TRDN: variants seen among roughly 807,000 people sequenced by gnomAD.
TRDN encodes triadin in skeletal muscle.
TRDN carries 161 observed loss-of-function variants against 149.7 expected under a neutral mutation model. That is an observed-to-expected ratio of 1.08 (90% CI 0.95 to 1.23). TRDN has a LOEUF of 1.23. Among genes scored for constraint, TRDN ranks in the 50% most tolerant of loss-of-function variants. The pLI is 0.00. For synonymous variants in TRDN, 294 were observed against 250.5 expected (o/e 1.17, Z -1.64); for missense variants, 896 against 823.5 (o/e 1.09, Z -1.08).
intron 9 of TRDN, among the ~76,000 whole-genome samples, chr6:123,479,160 TA>T (rs886979052): frequency 2.0e-5 from 3 of 152,172 alleles, no homozygotes; most frequent in African/African-American, 7.2e-5. Flanking sequence ...GAGTGCTTGG[TA>T]AAATGTGAAA....
chr6:123,218,498 C>T lies in TRDN; in HGVS notation c.*103G>A. ...CAGGCCAAAGAGCAAAATGTTTTCA[C>T]AGAAATTCTCTGGGTTGCATATTCT... On this transcript the variant is annotated 3_prime_UTR_variant, in exon 41 of 41. Transcript: ENST00000334268. 1 of 1,390,680 alleles carries T rather than the reference C, an allele frequency of 7.2e-7. No homozygotes were observed. The allele number at this position is 1,390,680 out of a possible 1,614,324, so 86.1% of individuals were successfully genotyped here. A position where few individuals can be genotyped will look rare whatever the true frequency, so the allele number is the denominator to read the frequency against.
intron 40 of TRDN, among the ~76,000 whole-genome samples, chr6:123,219,617 A>G (rs1775073334): frequency 6.6e-6 from 1 of 151,876 alleles, no homozygotes; most frequent in African/African-American, 2.4e-5. Context: ...GAAGCTGGAG[A>G]AGCAACCAGG....
At chr6:123,244,922 G>A (rs1220025959) in intron 38 of TRDN, among the ~76,000 whole-genome samples, 1 of 152,186 alleles carries the variant, frequency 6.6e-6, no homozygotes, top group Non-Finnish European at 1.5e-5. Context: ...TAAGCCATAA[G>A]AGAGTGGGGG....
intron 24 of TRDN, among the ~76,000 whole-genome samples, chr6:123,290,331 T>C (rs774076943): frequency 1.6e-4 from 25 of 152,126 alleles, no homozygotes; most frequent in Non-Finnish European, 4.4e-5. Flanking sequence ...TAGCTCTATC[T>C]ACAGGCATTG....
intron 24 of TRDN, among the ~76,000 whole-genome samples, chr6:123,305,248 T>G (rs1778564341): frequency 6.6e-6 from 1 of 152,190 alleles, no homozygotes; most frequent in Non-Finnish European, 1.5e-5. Flanking sequence ...AAGCAAATTC[T>G]AAAGTCTGCC....
chr6:123,221,028 A>G (rs1775126619), intron 40 of TRDN, among the ~76,000 whole-genome samples: 1 of 151,834 alleles, frequency 6.6e-6, no homozygotes, highest in East Asian at 1.9e-4. Context: ...TTGAATATTT[A>G]GAACCTACCA....
chr6:123,456,899 T>C (rs1776159521), intron 10 of TRDN: 3 of 455,514 alleles, frequency 6.6e-6, no homozygotes, highest in East Asian at 1.4e-4. Flanking sequence ...GCTGGTATAA[T>C]AGGAAGAAAT....
intron 2 of TRDN, among the ~76,000 whole-genome samples, chr6:123,564,347 G>A (rs752817845): frequency 3.3e-5 from 5 of 152,144 alleles, no homozygotes; most frequent in Non-Finnish European, 7.4e-5. Context: ...AGTCCTAAAT[G>A]TTGCATTTAG....
Position 123,405,575 on chromosome 6 carries a change from AAC to A in TRDN, c.1052-11900_1052-11899del, listed in dbSNP as rs564194088. On this transcript the variant is annotated intron_variant, in intron 12 of 40. Transcript: ENST00000334268. Reference sequence around the variant, plus strand: ...GCATCAACAAGAAATCTCAGAGGCAAACACAATTGGTTTCTGTATTACATGAC... The same window carrying A: ...GCATCAACAAGAAATCTCAGAGGCAAACAATTGGTTTCTGTATTACATGAC... Among the ~76,000 whole-genome samples the A allele has an allele frequency of 3.3e-5, 5 of 152,344 alleles. No individual in the cohort carries two copies. The South Asian group carries it at 8.3e-4, about 25-fold the overall frequency.
At chr6:123,544,246 TACACACACACACACACACACACACACAC>T (rs71021453) in intron 4 of TRDN, among the ~76,000 whole-genome samples, 8 of 144,328 alleles carry the variant, frequency 5.5e-5, no homozygotes, top group Middle Eastern at 3.5e-3. Context: ...CATCTGTACA[TACACACACACACACACACACACACACAC>T]ACACACACAC....
intron 13 of TRDN, among the ~76,000 whole-genome samples, chr6:123,392,376 G>A (rs922155644): frequency 3.3e-5 from 5 of 151,842 alleles, no homozygotes; most frequent in African/African-American, 1.2e-4. Flanking sequence ...GCCTCAAGTC[G>A]TAGTTCCACA....
At chr6:123,627,394 T>C (rs1172915123) in intron 1 of TRDN, among the ~76,000 whole-genome samples, 2 of 152,098 alleles carry the variant, frequency 1.3e-5, no homozygotes, top group Non-Finnish European at 2.9e-5. Context: ...CAGAAATACT[T>C]TGGAAGAATT....
chr6:123,608,164 C>T (rs1784607445), intron 1 of TRDN, among the ~76,000 whole-genome samples: 1 of 152,124 alleles, frequency 6.6e-6, no homozygotes, highest in Non-Finnish European at 1.5e-5. Context: ...TGAACTCAGA[C>T]AACATGGGCT....
chr6:123,531,274 C>T (rs893573017), intron 4 of TRDN, among the ~76,000 whole-genome samples: 2 of 151,942 alleles, frequency 1.3e-5, no homozygotes, highest in African/African-American at 4.8e-5. Context: ...ATGATTGCTA[C>T]CTTTGAAAAG....
At chr6:123,423,045 G>A (rs1054186100) in intron 12 of TRDN, among the ~76,000 whole-genome samples, 3 of 152,016 alleles carry the variant, frequency 2.0e-5, no homozygotes, top group African/African-American at 7.2e-5. Flanking sequence ...CAGCGTTATG[G>A]GTAGCTGTGT....
chr6:123,442,637 G>C lies in TRDN; in HGVS notation c.932-3634C>G, dbSNP rs564004911. Among the ~76,000 whole-genome samples the C allele has an allele frequency of 2.6e-5, 4 of 151,300 alleles. No individual in the cohort carries two copies. The East Asian group carries it at 7.8e-4, about 29-fold the overall frequency. ...GGGCTAAAATGCCTGGAACAGAGTA[G>C]ATGTAGAAAAATAATGATAATAATG... On this transcript the variant is annotated intron_variant, in intron 10 of 40. Transcript: ENST00000334268.
intron 10 of TRDN, chr6:123,464,348 T>C (rs993288237): frequency 2.3e-5 from 22 of 976,130 alleles, no homozygotes; most frequent in Non-Finnish European, 2.4e-5. Flanking sequence ...ATAGTACTTA[T>C]AAACTATACA....
At chr6:123,603,085 G>A (rs576054686) in intron 1 of TRDN, among the ~76,000 whole-genome samples, 8 of 68,484 alleles carry the variant, frequency 1.2e-4, no homozygotes, top group South Asian at 4.6e-4. Flanking sequence ...AAGGACTAAT[G>A]TATAACAAAT....
chr6:123,585,077 G>A (rs1242312260), intron 1 of TRDN, among the ~76,000 whole-genome samples: 5 of 151,634 alleles, frequency 3.3e-5, no homozygotes, highest in Admixed American at 6.6e-5. Context: ...GTTTTAATGA[G>A]ATGGTAAGGG....
Sources: gnomAD v4.1 joint callset for allele counts (sites outside exome capture counted in the v4.1 genomes callset) on GRCh38, gnomAD v4.1.1 for gene constraint, MANE v1.5 for transcripts, NCBI Gene and HGNC (gene_info 2026-07-23, HGNC 2026-07-21) for gene names.